Variants in GSN observed in about 807,000 individuals in gnomAD.
GSN encodes the protein gelsolin.
Under a neutral mutation model 85.7 loss-of-function variants are expected in GSN, and 56 were observed. The observed-to-expected ratio is 0.65, with a 90% CI of 0.53 to 0.82. The LOEUF (loss-of-function observed/expected upper bound fraction) is 0.82, where lower values mean the gene tolerates loss of function less well. Ranked by LOEUF, GSN falls within the 40% of genes least tolerant of loss-of-function variation. The pLI is 0.00. For synonymous variants in GSN, 373 were observed against 399.1 expected, an observed-to-expected ratio of 0.93 and a Z score of 0.78; for missense variants, 857 against 979.8, an observed-to-expected ratio of 0.87 and a Z score of 1.67.
chr9:121,311,199 A>G (rs554500776), intron 5 of GSN: 163 of 358,804 alleles, frequency 4.5e-4, no homozygotes, highest in South Asian at 2.4e-3. Context: ...ATGCCCACAC[A>G]TGTATACTCG....
intron 4 of GSN, among the ~76,000 whole-genome samples, chr9:121,220,368 T>G (rs568605070): frequency 8.9e-6 from 1 of 112,980 alleles, no homozygotes; most frequent in East Asian, 3.5e-4. Flanking sequence ...TCATTAGTAT[T>G]CTTACTATTC....
intron 6 of GSN, among the ~76,000 whole-genome samples, chr9:121,250,099 T>G (rs2054786784): frequency 6.6e-6 from 1 of 152,206 alleles, no homozygotes; most frequent in African/African-American, 2.4e-5. Context: ...TGGTCGTACT[T>G]TCATACATTT....
At position 121,299,846 on chromosome 9, in the gene GSN, T is replaced by A; in HGVS notation, c.-9-2117T>A. On this transcript the variant is annotated intron_variant, in intron 2 of 17. Coordinates refer to ENST00000432226, the MANE Select transcript of GSN (RefSeq NM_198252.3). This position sits in a 1 kb window ranked among gnomAD's most constrained non-coding sequence, Gnocchi z 4.2. ...GGCCGCGGCTGCCGACTGGGTCCCC[T>A]GCCGCTGTCGCCACCATGGCTCCGC... The A allele has an allele frequency of 7.4e-7, 1 of 1,352,682 alleles. No individual in the cohort carries two copies. Among genetic ancestry groups the A allele is most frequent in the East Asian group, 3.3e-5 (1 of 30,198 alleles). The allele number at this position is 1,352,682 out of a possible 1,614,324, so 83.8% of individuals were successfully genotyped here. A position where few individuals can be genotyped will look rare whatever the true frequency, so the allele number is the denominator to read the frequency against.
At chr9:121,283,602 G>A (rs1324347447) in intron 2 of GSN, 2 of 166,942 alleles carry the variant, frequency 1.2e-5, no homozygotes, top group Non-Finnish European at 2.9e-5. Context: ...CTGGCCCAGG[G>A]CCCTGCTTTT....
chr9:121,318,633 C>G lies in GSN; in HGVS notation c.976-32C>G, dbSNP rs1166361685. The G allele has an allele frequency of 6.4e-7, 1 of 1,564,468 alleles. No individual in the cohort carries two copies. Among genetic ancestry groups the G allele is most frequent in the South Asian group, 1.1e-5 (1 of 90,070 alleles). ...TGGGGACCCCTGCTGGGCAGCCCAG[C>G]CACATCCTGCTCCTCTGCCTCCCCT... is the stretch of plus-strand genomic sequence containing the variant. On this transcript the variant is annotated intron_variant, in intron 9 of 17. Transcript: ENST00000432226. This position sits in a 1 kb window ranked among gnomAD's most constrained non-coding sequence, Gnocchi z 4.3.
At chr9:121,327,081 TGCA>T in intron 13 of GSN, 1 of 696,004 alleles carries the variant, frequency 1.4e-6, no homozygotes, top group East Asian at 2.7e-5. Flanking sequence ...CTTCTGTTAA[TGCA>T]GCCCTGATTT....
At chr9:121,251,187 CTT>C (rs58231680) in intron 6 of GSN, among the ~76,000 whole-genome samples, 1 of 73,044 alleles carries the variant, frequency 1.4e-5, no homozygotes, top group African/African-American at 6.5e-5. Context: ...CTGATGTGTT[CTT>C]TTTTTTTTTT....
At chr9:121,300,287 T>G (rs575616761) in intron 2 of GSN, among the ~76,000 whole-genome samples, 1 of 152,070 alleles carries the variant, frequency 6.6e-6, no homozygotes, top group African/African-American at 2.4e-5. Context: ...AATTCTCCTT[T>G]TCCTTCTCTG....
intron 2 of GSN, chr9:121,286,142 C>A: frequency 6.5e-7 from 1 of 1,535,486 alleles, no homozygotes; most frequent in Middle Eastern, 1.7e-4. Context: ...CCCAGCCTCG[C>A]GATGGCCGAG....
At chr9:121,260,388 G>T (rs536848211) in intron 6 of GSN, among the ~76,000 whole-genome samples, 6 of 152,352 alleles carry the variant, frequency 3.9e-5, no homozygotes, top group African/African-American at 1.4e-4. Flanking sequence ...ATTAAGTGAA[G>T]TGATTGCATT....
chr9:121,290,182 G>A (rs188894019), intron 2 of GSN, among the ~76,000 whole-genome samples: 1 of 152,320 alleles, frequency 6.6e-6, no homozygotes, highest in Non-Finnish European at 1.5e-5. Context: ...GGCACTTGAA[G>A]GATAGTGCTG....
chr9:121,240,761 G>A (rs2054587993), intron 5 of GSN, among the ~76,000 whole-genome samples: 1 of 152,224 alleles, frequency 6.6e-6, no homozygotes, highest in South Asian at 2.1e-4. Context: ...GGCATGTGAT[G>A]TGCAGGTGAA....
Position 121,318,716 on chromosome 9 carries a change from A to G in GSN, c.1027A>G (p.Lys343Glu), listed in dbSNP as rs1564550129. The G allele has an allele frequency of 6.2e-7, 1 of 1,614,052 alleles. No individual in the cohort carries two copies. Among genetic ancestry groups the G allele is most frequent in the East Asian group, 2.2e-5 (1 of 44,880 alleles). ...GETPLFKQFF[K>E]NWRDPDQTDG... is the part of the protein sequence containing the mutation. ...GACCCCACTGTTCAAGCAGTTCTTC[A>G]AGAACTGGCGGGACCCAGACCAGAC... is the stretch of plus-strand genomic sequence containing the variant. The change falls in exon 10 of 18, where the codon AAG (lysine) becomes GAG (glutamate). Residue 343 changes from lysine (K) to glutamate (E), a missense_variant. Transcript: ENST00000432226. The surrounding 1 kb of genome is among the most constrained non-coding windows in gnomAD (Gnocchi z 4.3).
chr9:121,274,779 G>A (rs971066869), intron 1 of GSN, among the ~76,000 whole-genome samples: 2 of 152,186 alleles, frequency 1.3e-5, no homozygotes, highest in African/African-American at 2.4e-5. Context: ...ACAAACCAGG[G>A]TGATTCAAAC....
At chr9:121,270,478 C>T (rs1301210394) in intron 1 of GSN, among the ~76,000 whole-genome samples, 1 of 152,218 alleles carries the variant, frequency 6.6e-6, no homozygotes, top group African/African-American at 2.4e-5. Flanking sequence ...GTCAGAGCAG[C>T]AGATTCTGGA....
chr9:121,319,506 A>G (rs2133700785), intron 10 of GSN, among the ~76,000 whole-genome samples: 1 of 149,506 alleles, frequency 6.7e-6, no homozygotes, highest in South Asian at 2.1e-4. Context: ...TTTTTTTAAT[A>G]GAGACAGGGT....
intron 5 of GSN, among the ~76,000 whole-genome samples, chr9:121,242,606 A>G (rs2054626691): frequency 6.6e-6 from 1 of 152,200 alleles, no homozygotes; most frequent in Admixed American, 6.5e-5. Context: ...TTTTCTGCAA[A>G]TAAGTTTTGA....
chr9:121,263,426 A>G (rs1354572957), upstream of GSN, among the ~76,000 whole-genome samples: 1 of 152,224 alleles, frequency 6.6e-6, no homozygotes, highest in Non-Finnish European at 1.5e-5. Context: ...CTATAAAGAC[A>G]TACCTGAGAC....
At chr9:121,289,953 A>C (rs190629591) in intron 2 of GSN, among the ~76,000 whole-genome samples, 1 of 152,266 alleles carries the variant, frequency 6.6e-6, no homozygotes, top group East Asian at 1.9e-4. Flanking sequence ...AGTTTAAGGG[A>C]GTGAGGGAGC....
Sources: allele counts gnomAD v4.1 joint callset (sites outside exome capture counted in the v4.1 genomes callset), GRCh38; gene constraint gnomAD v4.1.1; non-coding constraint Gnocchi (gnomAD v3.1); transcripts MANE v1.5; gene names NCBI Gene and HGNC (gene_info 2026-07-23, HGNC 2026-07-21).